ZCWPW2: variants seen among roughly 807,000 people sequenced by gnomAD.
ZCWPW2 encodes zinc finger CW-type PWWP domain protein 2.
ZCWPW2 carries 45 observed loss-of-function variants against 46.6 expected under a neutral mutation model. That is an observed-to-expected ratio of 0.96 (90% CI 0.76 to 1.24). ZCWPW2 has a LOEUF of 1.24. Among genes scored for constraint, ZCWPW2 ranks in the 50% most tolerant of loss-of-function variants. The probability of loss-of-function intolerance (pLI) is 0.00; values close to 1 mark genes in which losing one functional copy is unlikely to be tolerated. For missense variants in ZCWPW2, 429 were observed against 403.9 expected, an observed-to-expected ratio of 1.06 and a Z score of -0.53; for synonymous variants, 152 against 137.1, an observed-to-expected ratio of 1.11 and a Z score of -0.76.
rs181129083 is a variant in ZCWPW2 at position 28,500,639 on chromosome 3, A to G, written c.657+8466A>G. 3.0e-3 allele frequency among the ~76,000 whole-genome samples: 457 copies of G among 152,278 alleles called. 3 individuals carry two copies. The highest frequency in any genetic ancestry group is 1.0e-2 in the African/African-American group (414 of 41,572). On this transcript the variant is annotated intron_variant, in intron 6 of 9. Transcript: ENST00000383768. ...TCCAAAGTTATTACAAAAAAATTTC[A>G]TAACAAGCAGAAAATTTTCATTAGC...
At chr3:28,398,679 A>G (rs1284211435) in intron 2 of ZCWPW2, among the ~76,000 whole-genome samples, 1 of 152,158 alleles carries the variant, frequency 6.6e-6, no homozygotes, top group Non-Finnish European at 1.5e-5. Flanking sequence ...CATGGAGGAA[A>G]CTGAAGATCT....
chr3:28,374,949 GTC>G (rs202070081), intron 1 of ZCWPW2, among the ~76,000 whole-genome samples: 15 of 150,224 alleles, frequency 1.0e-4, no homozygotes, highest in Admixed American at 4.6e-4. Context: ...TTATATTACG[GTC>G]TCTCTCTCTC....
intron 5 of ZCWPW2, among the ~76,000 whole-genome samples, chr3:28,485,260 G>A (rs1575192278): frequency 6.6e-6 from 1 of 151,956 alleles, no homozygotes; most frequent in East Asian, 1.9e-4. Flanking sequence ...TGGTCTGTGA[G>A]AGGACATTGT....
chr3:28,446,360 A>G (rs1390310207), intron 4 of ZCWPW2, among the ~76,000 whole-genome samples: 1 of 152,156 alleles, frequency 6.6e-6, no homozygotes, highest in East Asian at 1.9e-4. Flanking sequence ...GGTAGAAATA[A>G]TAACAGGTAA....
intron 5 of ZCWPW2, 126 bp from the exon 6 acceptor site, chr3:28,492,001 C>T (rs1409623175): frequency 1.1e-6 from 1 of 905,580 alleles, no homozygotes; most frequent in Non-Finnish European, 1.7e-6. Flanking sequence ...ATTAAAGGGA[C>T]AACGGGAACA....
chr3:28,511,207 G>A (rs1700417785), intron 6 of ZCWPW2: 2 of 338,778 alleles, frequency 5.9e-6, no homozygotes, highest in South Asian at 2.4e-5. Flanking sequence ...CTATCCAGAT[G>A]TTAACCAACT....
intron 1 of ZCWPW2, among the ~76,000 whole-genome samples, chr3:28,349,953 T>G (rs1378549159): frequency 1.3e-5 from 2 of 152,180 alleles, no homozygotes; most frequent in African/African-American, 2.4e-5. Context: ...TAGATTTAAG[T>G]GAAAATTTAT....
intron 2 of ZCWPW2, among the ~76,000 whole-genome samples, chr3:28,392,432 A>G (rs1349348410): frequency 1.3e-5 from 2 of 152,222 alleles, no homozygotes; most frequent in Non-Finnish European, 2.9e-5. Flanking sequence ...CAATAAGGAA[A>G]CACTGAACTT....
chr3:28,499,421 T>A (rs1225667364), intron 6 of ZCWPW2, among the ~76,000 whole-genome samples: 2 of 152,172 alleles, frequency 1.3e-5, no homozygotes, highest in Non-Finnish European at 2.9e-5. Flanking sequence ...TTTTTTCATA[T>A]GTTTGTTGGC....
intron 6 of ZCWPW2, among the ~76,000 whole-genome samples, chr3:28,502,346 A>G (rs1172210317): frequency 2.6e-5 from 4 of 152,074 alleles, no homozygotes; most frequent in Non-Finnish European, 5.9e-5. Context: ...CAGAATACCA[A>G]TTTTCCGGTG....
intron 1 of ZCWPW2, among the ~76,000 whole-genome samples, chr3:28,372,658 T>A (rs1312770593): frequency 4.6e-5 from 7 of 152,126 alleles, no homozygotes; most frequent in Admixed American, 6.6e-5. Flanking sequence ...ACAAGTGCAG[T>A]TTTGTTGCAT....
At chr3:28,510,509 A>G (rs1207767199) in intron 6 of ZCWPW2, among the ~76,000 whole-genome samples, 1 of 152,094 alleles carries the variant, frequency 6.6e-6, no homozygotes, top group Non-Finnish European at 1.5e-5. Flanking sequence ...AATGTTGAGC[A>G]CTTAATTTAC....
intron 6 of ZCWPW2, among the ~76,000 whole-genome samples, chr3:28,495,474 G>A (rs1433217561): frequency 1.3e-5 from 2 of 152,018 alleles, no homozygotes; most frequent in Non-Finnish European, 2.9e-5. Context: ...TGTACCAGTT[G>A]TTCTTAACAA....
chr3:28,505,798 A>T (rs2125827779), intron 6 of ZCWPW2, among the ~76,000 whole-genome samples: 1 of 152,242 alleles, frequency 6.6e-6, no homozygotes, highest in South Asian at 2.1e-4. Flanking sequence ...AAAGAAGATT[A>T]CAAAACATAT....
intron 2 of ZCWPW2, among the ~76,000 whole-genome samples, chr3:28,404,857 A>C (rs937964052): frequency 6.6e-6 from 1 of 152,138 alleles, no homozygotes; most frequent in African/African-American, 2.4e-5. Flanking sequence ...GAATGACACA[A>C]TGGACTTTGG....
rs146792626 is a variant in ZCWPW2 at position 28,369,998 on chromosome 3, C to T, written c.-133-20500C>T. Among the ~76,000 whole-genome samples the T allele has an allele frequency of 1.0e-2, 1,521 of 152,306 alleles. 35 individuals are homozygous for T. Among genetic ancestry groups the T allele is most frequent in the African/African-American group, 0.035 (1,436 of 41,558 alleles). Reference sequence around the variant, plus strand: ...CTCCTGGTGTGCTGTTTGCTAATACCGTTGGAAAAGTGCAGCATTAGGGTG... The same window carrying T: ...CTCCTGGTGTGCTGTTTGCTAATACTGTTGGAAAAGTGCAGCATTAGGGTG... On this transcript the variant is annotated intron_variant, in intron 1 of 9. Transcript: ENST00000383768.
intron 1 of ZCWPW2, among the ~76,000 whole-genome samples, chr3:28,385,951 A>G (rs1238315886): frequency 2.6e-5 from 4 of 151,530 alleles, no homozygotes; most frequent in Non-Finnish European, 5.9e-5. Context: ...TTTGAGTTAA[A>G]TATATACATT....
intron 1 of ZCWPW2, among the ~76,000 whole-genome samples, chr3:28,349,445 T>C (rs1257302907): frequency 6.6e-6 from 1 of 152,202 alleles, no homozygotes; most frequent in African/African-American, 2.4e-5. Flanking sequence ...CCTCAGGCGA[T>C]CACTTGAGGC....
chr3:28,362,523 A>G (rs1575047723), intron 1 of ZCWPW2, among the ~76,000 whole-genome samples: 1 of 152,190 alleles, frequency 6.6e-6, no homozygotes, highest in African/African-American at 2.4e-5. Context: ...CCACAATGAG[A>G]TACAATCTCC....
Sources: gnomAD v4.1 joint callset for allele counts (sites outside exome capture counted in the v4.1 genomes callset) on GRCh38, gnomAD v4.1.1 for gene constraint, MANE v1.5 for transcripts, NCBI Gene and HGNC (gene_info 2026-07-23, HGNC 2026-07-21) for gene names.